Variants in DAB1 observed in about 807,000 individuals in gnomAD.
The protein encoded by DAB1 is DAB adaptor protein 1, also known as disabled homolog 1.
A neutral mutation model predicts 64.6 loss-of-function variants in DAB1; 15 were observed. The ratio of observed to expected loss-of-function variants is 0.23; its 90% CI spans 0.16 to 0.36. The LOEUF is 0.36. Ranked by LOEUF, DAB1 falls within the 10% of genes least tolerant of loss-of-function variation. The pLI is 1.00. For synonymous variants in DAB1, 235 were observed against 251.9 expected (o/e 0.93, Z 0.64); for missense variants, 596 against 706.7 (o/e 0.84, Z 1.78).
At chr1:57,546,180 G>T (rs1390408303) in intron 7 of DAB1, among the ~76,000 whole-genome samples, 1 of 151,928 alleles carries the variant, frequency 6.6e-6, no homozygotes, top group Middle Eastern at 3.2e-3. Context: ...AGAAGCAGAA[G>T]TAGAGACACA....
intron 3 of DAB1, among the ~76,000 whole-genome samples, chr1:58,392,787 T>G (rs1039738080): frequency 6.6e-6 from 1 of 152,252 alleles, no homozygotes; most frequent in African/African-American, 2.4e-5. Context: ...GGCTCTTGGC[T>G]AAGGTACTGG....
intron 7 of DAB1, among the ~76,000 whole-genome samples, chr1:57,522,631 G>A (rs1051254158): frequency 1.3e-5 from 2 of 152,194 alleles, no homozygotes; most frequent in Admixed American, 1.3e-4. Context: ...GGGTGGACTT[G>A]TGATGGTTAA....
At chr1:58,410,916 TA>T (rs1423863706) in intron 3 of DAB1, among the ~76,000 whole-genome samples, 3 of 152,198 alleles carry the variant, frequency 2.0e-5, no homozygotes, top group Non-Finnish European at 2.9e-5. Context: ...CTGCCAGAGT[TA>T]TTTCCCCAAA....
At chr1:57,767,478 G>A (rs780516775) in intron 6 of DAB1, among the ~76,000 whole-genome samples, 1 of 152,100 alleles carries the variant, frequency 6.6e-6, no homozygotes, top group African/African-American at 2.4e-5. Context: ...TAGCAGTTCT[G>A]TCTCTCCTCT....
chr1:58,506,196 A>AT (rs1191145362), exon 3 of DAB1: 6 of 870,038 alleles, frequency 6.9e-6, no homozygotes, highest in Middle Eastern at 2.2e-4. Context: ...ACTGGCTCTT[A>AT]TGTCTGCACA....
intron 4 of DAB1, among the ~76,000 whole-genome samples, chr1:57,110,146 T>C (rs552394890): frequency 1.1e-4 from 16 of 152,288 alleles, no homozygotes; most frequent in African/African-American, 2.9e-4. Flanking sequence ...AGAGCATCTG[T>C]TCTGTCCAAG....
chr1:57,989,904 T>G (rs1422497032), intron 5 of DAB1, among the ~76,000 whole-genome samples: 2 of 152,226 alleles, frequency 1.3e-5, no homozygotes, highest in African/African-American at 4.8e-5. Context: ...CATTATTTTT[T>G]ACACCCACCT....
At chr1:58,062,903 T>C (rs1365946615) in intron 5 of DAB1, among the ~76,000 whole-genome samples, 2 of 152,214 alleles carry the variant, frequency 1.3e-5, no homozygotes, top group African/African-American at 4.8e-5. Flanking sequence ...GGATGACTGA[T>C]AGAGCTGAAA....
At chr1:57,855,991 T>A (rs1453573661) in intron 1 of DAB1, among the ~76,000 whole-genome samples, 1 of 152,100 alleles carries the variant, frequency 6.6e-6, no homozygotes, top group Non-Finnish European at 1.5e-5. Context: ...ATTCTAATGA[T>A]AGAGTTGGCA....
intron 4 of DAB1, among the ~76,000 whole-genome samples, chr1:58,224,577 A>G (rs1036818769): frequency 6.6e-6 from 1 of 152,194 alleles, no homozygotes; most frequent in Admixed American, 6.5e-5. Context: ...ACACCAAGAA[A>G]TGCCACGGGA....
At chr1:57,918,599 C>T (rs1441409881) in intron 5 of DAB1, among the ~76,000 whole-genome samples, 1 of 152,062 alleles carries the variant, frequency 6.6e-6, no homozygotes, top group Non-Finnish European at 1.5e-5. Flanking sequence ...CCGGGGCGGG[C>T]AGATCACAAA....
intron 4 of DAB1, among the ~76,000 whole-genome samples, chr1:58,308,299 T>C (rs1662350395): frequency 6.6e-6 from 1 of 152,074 alleles, no homozygotes; most frequent in Admixed American, 6.6e-5. Flanking sequence ...CATTAGATAT[T>C]TACTCCTTTG....
At position 57,069,366 on chromosome 1, in the gene DAB1, A is replaced by G; in HGVS notation, c.657T>C (p.Ile219=). ...PIRDPETEEN[I]YQVPTSQKKE... is the part of the protein sequence containing the mutation. Reference sequence around the variant, plus strand: ...GAGGCAAGCAATTTTATACCTGATAAATGTTTTCTTCCGTTTCGGGATCAC... The same window carrying G: ...GAGGCAAGCAATTTTATACCTGATAGATGTTTTCTTCCGTTTCGGGATCAC... Residue 219 remains isoleucine, a synonymous_variant, in exon 8 of 15, where the codon ATT becomes ATC. Coordinates refer to ENST00000371236, the MANE Select transcript of DAB1 (RefSeq NM_001365792.1). 6.2e-7 allele frequency: 1 copy of G among 1,613,230 alleles called. No homozygotes were observed. The highest frequency in any genetic ancestry group is 1.7e-4 in the Middle Eastern group (1 of 6,060).
At chr1:57,567,178 C>T (rs1387463171) in intron 7 of DAB1, among the ~76,000 whole-genome samples, 2 of 152,180 alleles carry the variant, frequency 1.3e-5, no homozygotes, top group African/African-American at 2.4e-5. Context: ...ACAAAAACCA[C>T]ATGATTATCT....
At chr1:57,491,297 A>G (rs7519850) in intron 7 of DAB1, among the ~76,000 whole-genome samples, 44,991 of 151,600 alleles carry the variant, frequency 0.3, 7,026 homozygotes, top group Non-Finnish European at 0.35. Flanking sequence ...GCGTGGTGGC[A>G]GGCGCCTGTA....
At chr1:57,790,656 G>A (rs1251772292) in intron 6 of DAB1, among the ~76,000 whole-genome samples, 2 of 152,154 alleles carry the variant, frequency 1.3e-5, no homozygotes, top group Non-Finnish European at 2.9e-5. Flanking sequence ...TCTGGTATCA[G>A]ATGGGAGGTG....
At chr1:57,781,853 G>C (rs940270040) in intron 6 of DAB1, among the ~76,000 whole-genome samples, 2 of 152,048 alleles carry the variant, frequency 1.3e-5, no homozygotes, top group African/African-American at 4.8e-5. Context: ...TTCTGGGGCA[G>C]GTTTATGATT....
chr1:58,453,141 C>G (rs370493367), intron 3 of DAB1, among the ~76,000 whole-genome samples: 3 of 152,054 alleles, frequency 2.0e-5, no homozygotes, highest in Non-Finnish European at 4.4e-5. Context: ...CAAAAGATAC[C>G]GTGCATGATT....
chr1:57,122,283 C>CA (rs1234949041), intron 4 of DAB1, among the ~76,000 whole-genome samples: 1 of 152,154 alleles, frequency 6.6e-6, no homozygotes, highest in African/African-American at 2.4e-5. Flanking sequence ...GTGCCTGGTA[C>CA]ACATTGGATG....
Sources: gnomAD v4.1 joint callset for allele counts (sites outside exome capture counted in the v4.1 genomes callset) on GRCh38, gnomAD v4.1.1 for gene constraint, MANE v1.5 for transcripts, NCBI Gene and HGNC (gene_info 2026-07-23, HGNC 2026-07-21) for gene names.